The following ACOD1 variants were observed in gnomAD, a reference collection of about 807,000 sequenced individuals.
The protein encoded by ACOD1 is aconitate decarboxylase 1.
In ACOD1, 14 loss-of-function variants were observed where a neutral mutation model predicts 14.2. The ratio of observed to expected loss-of-function variants is 0.99; its 90% confidence interval spans 0.65 to 1.54. The LOEUF is 1.54. ACOD1 is among the 40% of genes most tolerant of loss of function. The probability of loss-of-function intolerance (pLI) is 0.00; values close to 1 mark genes in which losing one functional copy is unlikely to be tolerated. For synonymous variants in ACOD1, 182 were observed against 221.7 expected (o/e 0.82, Z 1.59); for missense variants, 530 against 586.3 (o/e 0.90, Z 0.99).
chr13:76,957,986 G>A lies in ACOD1; in HGVS notation c.*1G>A, dbSNP rs2033897987. 1 of 1,506,826 alleles carries A rather than the reference G, an allele frequency of 6.6e-7. No individual in the cohort carries two copies. The highest frequency in any genetic ancestry group is 2.5e-5 in the East Asian group (1 of 40,672). 93.3% of individuals were successfully genotyped at this position (1,506,826 alleles called of 1,614,324 possible). A position where few individuals can be genotyped will look rare whatever the true frequency, so the allele number is the denominator to read the frequency against. On this transcript the variant is annotated 3_prime_UTR_variant, in exon 5 of 5. Coordinates refer to ENST00000377462, the MANE Select transcript of ACOD1 (RefSeq NM_001258406.2). ...TAATTCTATCACAAATCTCTCCTGA[G>A]GCTTACCAACATCTAAATGACTTTG...
Position 76,957,769 on chromosome 13 carries a change from A to C in ACOD1, c.1230A>C (p.Arg410Ser). The change falls in exon 5 of 5, where the codon AGA (arginine) becomes AGC (serine). Residue 410 changes from arginine (R) to serine (S), a missense_variant. Transcript: ENST00000377462. The stretch of plus-strand genomic sequence containing the variant: ...CTGATACCTTCTATGGGCACTGGAG[A>C]AAACCACTGAGCCAGGAGGACCTAG... ...DRSDTFYGHW[R>S]KPLSQEDLEE... is the part of the protein sequence containing the mutation. 6.4e-7 allele frequency: 1 copy of C among 1,550,764 alleles called. No individual in the cohort carries two copies. Among genetic ancestry groups the C allele is most frequent in the Non-Finnish European group, 8.7e-7 (1 of 1,147,028 alleles).
intron 3 of ACOD1, 135 bp from the exon 4 acceptor site, chr13:76,955,181 TTTC>T: frequency 1.6e-6 from 1 of 620,616 alleles, no homozygotes; most frequent in South Asian, 2.5e-5. Context: ...TTTCTCAGAT[TTTC>T]TTTTCTGAGA....
At chr13:76,955,267 C>A in intron 3 of ACOD1, 52 bp from the exon 4 acceptor site, 1 of 1,428,214 alleles carries the variant, frequency 7.0e-7, no homozygotes, top group Admixed American at 2.0e-5. Context: ...AAAGCCATTG[C>A]ATTAAGGGAA....
At chr13:76,955,178 G>A in intron 3 of ACOD1, 141 bp from the exon 4 acceptor site, 6 of 501,136 alleles carry the variant, frequency 1.2e-5, no homozygotes, top group South Asian at 8.2e-5. Context: ...ACATTTCTCA[G>A]ATTTTCTTTT....
chr13:76,950,762 T>C (rs965662805), intron 1 of ACOD1, among the ~76,000 whole-genome samples: 1 of 152,222 alleles, frequency 6.6e-6, no homozygotes, highest in Non-Finnish European at 1.5e-5. Context: ...ACAGGAATCT[T>C]TCCAAAACAT....
chr13:76,956,614 G>A (rs545151606), intron 4 of ACOD1, among the ~76,000 whole-genome samples: 1 of 152,234 alleles, frequency 6.6e-6, no homozygotes, highest in South Asian at 2.1e-4. Flanking sequence ...CCAGGTTCAA[G>A]GGATTCTCCT....
Position 76,957,663 on chromosome 13 carries a change from CG to C in ACOD1, c.1126del (p.Asp376ThrfsTer13), listed in dbSNP as rs1566207551. ...LLSKVELEYP[P>X]DNLPSFNILY... The stretch of plus-strand genomic sequence containing the variant: ...AGTAAGGTGGAGCTGGAGTACCCTC[CG>C]GACAACTTGCCAAGCTTCAACATAC... On this transcript the variant is annotated frameshift_variant, in exon 5 of 5. Coordinates refer to ENST00000377462, the MANE Select transcript of ACOD1 (RefSeq NM_001258406.2). LOFTEE classifies it low-confidence loss of function (END_TRUNC). 6.4e-7 allele frequency: 1 copy of C among 1,550,578 alleles called. No homozygotes were observed. The highest frequency in any genetic ancestry group is 2.0e-5 in the Admixed American group (1 of 50,998).
Position 76,955,383 on chromosome 13 carries a change from C to T in ACOD1, c.329C>T (p.Pro110Leu), listed in dbSNP as rs1254320035. Residue 110 changes from proline (P) to leucine (L), a missense_variant, in exon 4 of 5, where the codon CCT becomes CTT. Transcript: ENST00000377462. Reference protein sequence around the residue: ...PATHPSGAVLPVLTALAEALP... With the variant: ...PATHPSGAVLLVLTALAEALP... ...ACCCACCCTTCTGGGGCTGTCCTTC[C>T]TGTCCTCACAGCTTTAGCAGAAGCC... The T allele has an allele frequency of 6.4e-7, 1 of 1,550,614 alleles. No homozygotes were observed. Among genetic ancestry groups the T allele is most frequent in the Non-Finnish European group, 8.7e-7 (1 of 1,147,012 alleles).
intron 1 of ACOD1, among the ~76,000 whole-genome samples, chr13:76,949,711 T>C (rs1161046636): frequency 6.6e-6 from 1 of 152,128 alleles, no homozygotes; most frequent in Non-Finnish European, 1.5e-5. Context: ...AATCACTACA[T>C]GCCCCCAGCT....
chr13:76,950,093 C>T (rs773430722), intron 1 of ACOD1, among the ~76,000 whole-genome samples: 6 of 152,182 alleles, frequency 3.9e-5, no homozygotes, highest in Non-Finnish European at 7.3e-5. Context: ...GTAAATGGGA[C>T]TAGTCAGTGT....
intron 3 of ACOD1, among the ~76,000 whole-genome samples, 155 bp from the exon 4 acceptor site, chr13:76,955,162 TCA>T (rs1308387189): frequency 1.5e-5 from 2 of 133,052 alleles, no homozygotes; most frequent in Non-Finnish European, 3.2e-5. Flanking sequence ...AGAAAAAAAA[TCA>T]CAGACATTTC....
chr13:76,957,616 G>C lies in ACOD1; in HGVS notation c.1077G>C (p.Arg359Ser), dbSNP rs1230880193. 2 of 1,550,592 alleles carry C rather than the reference G, an allele frequency of 1.3e-6. No homozygotes were observed. The highest frequency in any genetic ancestry group is 1.2e-5 in the South Asian group (1 of 84,062). The change falls in exon 5 of 5, where the codon AGG becomes AGC. Residue 359 changes from arginine (R) to serine (S), a missense_variant. Physicochemically the swap from Arg to Ser is moderately radical, Grantham distance 110 (BLOSUM62 -1). Coordinates refer to ENST00000377462, the MANE Select transcript of ACOD1 (RefSeq NM_001258406.2). ...CATTCCATGAATGCCAGATCAACAG[G>C]CCACAGGTGAGAGAGCTGCTCAGTA... is the stretch of plus-strand genomic sequence containing the variant. ...VPSFHECQIN[R>S]PQVRELLSKV... is the part of the protein sequence containing the mutation.
chr13:76,950,318 C>G (rs576563789), intron 1 of ACOD1, among the ~76,000 whole-genome samples: 1 of 152,284 alleles, frequency 6.6e-6, no homozygotes, highest in African/African-American at 2.4e-5. Flanking sequence ...GGGAAGCAAT[C>G]CAATATTCAC....
At chr13:76,952,286 T>A (rs2033829374) in intron 1 of ACOD1, among the ~76,000 whole-genome samples, 1 of 152,178 alleles carries the variant, frequency 6.6e-6, no homozygotes, top group African/African-American at 2.4e-5. Context: ...GGCTGCTGTG[T>A]GCTCCCACAT....
intron 4 of ACOD1, among the ~76,000 whole-genome samples, chr13:76,956,282 A>T (rs1012067600): frequency 1.3e-5 from 2 of 151,984 alleles, no homozygotes. Context: ...GCTCATTGCA[A>T]CCTCCGCCTC....
At chr13:76,956,097 T>C (rs1298397521) in intron 4 of ACOD1, among the ~76,000 whole-genome samples, 3 of 152,262 alleles carry the variant, frequency 2.0e-5, no homozygotes, top group Non-Finnish European at 4.4e-5. Context: ...GCAATAATTG[T>C]AATGGTACCA....
At position 76,957,659 on chromosome 13, in the gene ACOD1, C is replaced by G; in HGVS notation, c.1120C>G (p.Pro374Ala). 1 of 1,550,590 alleles carries G rather than the reference C, an allele frequency of 6.4e-7. No individual in the cohort carries two copies. The highest frequency in any genetic ancestry group is 8.7e-7 in the Non-Finnish European group (1 of 1,147,008). ...ELLSKVELEY[P>A]PDNLPSFNIL... is the part of the protein sequence containing the mutation. ...GCTCAGTAAGGTGGAGCTGGAGTAC[C>G]CTCCGGACAACTTGCCAAGCTTCAA... Residue 374 changes from proline to alanine, a missense_variant, in exon 5 of 5, where the codon CCT becomes GCT. Transcript: ENST00000377462.
At chr13:76,953,528 A>G in intron 2 of ACOD1, 72 bp from the exon 3 acceptor site, 2 of 892,806 alleles carry the variant, frequency 2.2e-6, no homozygotes, top group South Asian at 3.1e-5. Context: ...CCAAAGATGA[A>G]GAATAACTCT....
In ACOD1 at chr13:76,957,590, T is replaced by A. The variant is rs2033892446; in HGVS notation, c.1051T>A (p.Ser351Thr). 1.3e-6 allele frequency: 2 copies of A among 1,550,550 alleles called. No homozygotes were observed. Among genetic ancestry groups the A allele is most frequent in the African/African-American group, 2.7e-5 (2 of 73,058 alleles). Residue 351 changes from serine to threonine, a missense_variant, in exon 5 of 5, where the codon TCA (serine) becomes ACA (threonine). By Grantham distance (58) the Ser-to-Thr change is moderately conservative. Coordinates refer to ENST00000377462, the MANE Select transcript of ACOD1 (RefSeq NM_001258406.2). ...GCTTGATGGTGGCATCACTGTCCCC[T>A]CATTCCATGAATGCCAGATCAACAG... ...MLLDGGITVPSFHECQINRPQ... is the reference protein window; with the variant it reads ...MLLDGGITVPTFHECQINRPQ...
Sources: allele counts gnomAD v4.1 joint callset (sites outside exome capture counted in the v4.1 genomes callset), GRCh38; gene constraint gnomAD v4.1.1; transcripts MANE v1.5; gene names NCBI Gene and HGNC (gene_info 2026-07-23, HGNC 2026-07-21).